The following MMP21 variants were observed in gnomAD, a reference collection of about 807,000 sequenced individuals.
The protein encoded by MMP21 is matrix metalloproteinase-21.
Under a neutral mutation model 47.8 loss-of-function variants are expected in MMP21, and 40 were observed. That is an observed-to-expected ratio of 0.84 (90% confidence interval 0.65 to 1.09). The LOEUF (loss-of-function observed/expected upper bound fraction) is 1.09. Among genes scored for constraint, MMP21 ranks in the 50% least tolerant of loss-of-function variants. MMP21 has a pLI of 0.00. For synonymous variants in MMP21, 341 were observed against 318.0 expected (o/e 1.07, Z -0.77); for missense variants, 747 against 775.3 (o/e 0.96, Z 0.43).
At position 125,772,709 on chromosome 10, in the gene MMP21, G is replaced by C. The variant is rs1387266225; in HGVS notation, c.739C>G (p.Gln247Glu). 2.5e-6 allele frequency: 4 copies of C among 1,614,152 alleles called. No individual in the cohort carries two copies. The highest frequency in any genetic ancestry group is 3.4e-6 in the Non-Finnish European group (4 of 1,180,020). Residue 247 changes from glutamine (Q) to glutamate (E), a missense_variant, in exon 3 of 7, where the codon CAG becomes GAG. Gln to Glu is a conservative substitution (Grantham distance 29). Transcript: ENST00000368808. The surrounding 1 kb of genome is among the most constrained non-coding windows in gnomAD (Gnocchi z 5.6). Reference sequence around the variant, plus strand: ...AGGCGCCAGGCGTGTGCAAACTCCTGCCCGCTCCCATCGAAGGCCCGCGGA... The same window carrying C: ...AGGCGCCAGGCGTGTGCAAACTCCTCCCCGCTCCCATCGAAGGCCCGCGGA... The part of the protein sequence containing the change: ...GCPRAFDGSG[Q>E]EFAHAWRLGD...
rs752135466 is a variant in MMP21, at chr10:125,773,785, C to A, written c.697+46G>T. The A allele has an allele frequency of 4.8e-6, 7 of 1,456,522 alleles. No homozygotes were observed. In the South Asian group the frequency reaches 8.5e-5, roughly 18 times the overall value. 90.2% of individuals were successfully genotyped at this position (1,456,522 alleles called of 1,614,324 possible). A position where few individuals can be genotyped will look rare whatever the true frequency, so the allele number is the denominator to read the frequency against. ...AGGTGGGGGTAGGTGCGCCGGGGTCCCCGAGGGGCTGGGTCGGGCAGGCAG... is the reference window on the plus strand; with the variant it reads ...AGGTGGGGGTAGGTGCGCCGGGGTCACCGAGGGGCTGGGTCGGGCAGGCAG... On this transcript the variant is annotated intron_variant, in intron 2 of 6. Coordinates refer to ENST00000368808, the MANE Select transcript of MMP21 (RefSeq NM_147191.1). The surrounding 1 kb of genome is among the most constrained non-coding windows in gnomAD (Gnocchi z 4.8).
chr10:125,769,854 A>T (rs541065442), intron 5 of MMP21, among the ~76,000 whole-genome samples: 1 of 152,306 alleles, frequency 6.6e-6, no homozygotes, highest in East Asian at 1.9e-4. Flanking sequence ...GTGCCGTCTT[A>T]AAAAGATCAG....
intron 6 of MMP21, 46 bp from the exon 7 acceptor site, chr10:125,767,007 AT>A: frequency 1.4e-6 from 2 of 1,466,406 alleles, no homozygotes; most frequent in Non-Finnish European, 1.8e-6. Context: ...AATTATTAAT[AT>A]TTTTTGGTTA....
chr10:125,774,039 G>T lies in MMP21; in HGVS notation c.489C>A (p.Pro163=). 1.3e-6 allele frequency: 2 copies of T among 1,486,652 alleles called. No individual in the cohort carries two copies. The highest frequency in any genetic ancestry group is 2.5e-5 in the South Asian group (2 of 79,190). The allele number at this position is 1,486,652 out of a possible 1,614,324, so 92.1% of individuals were successfully genotyped here. A position where few individuals can be genotyped will look rare whatever the true frequency, so the allele number is the denominator to read the frequency against. Residue 163 remains proline (P), a synonymous_variant, in exon 2 of 7, where the codon CCC becomes CCA. Coordinates refer to ENST00000368808, the MANE Select transcript of MMP21 (RefSeq NM_147191.1). ...AGAAGGCCTGGGCAGCTCCGCCGTC[G>T]GGGTAGCCCCGGGGCTGCCAACCCC... ...SRRGWQPRGY[P]DGGAAQAFSK...
At position 125,774,327 on chromosome 10, in the gene MMP21, C is replaced by A; in HGVS notation, c.201G>T (p.Ala67=). The stretch of plus-strand genomic sequence containing the variant: ...GCCCCTCGGGACTGGGCCCCCAGGC[C>A]GCCCACACCCCTGACCAGCCGTATC... ...LSRYGWSGVW[A]AWGPSPEGPP... Residue 67 remains alanine (A), a synonymous_variant, in exon 2 of 7, where the codon GCG becomes GCT. Transcript: ENST00000368808. The A allele has an allele frequency of 1.4e-6, 2 of 1,412,448 alleles. No homozygotes were observed. Among genetic ancestry groups the A allele is most frequent in the East Asian group, 3.0e-5 (1 of 33,376 alleles). The allele number at this position is 1,412,448 out of a possible 1,614,324, so 87.5% of individuals were successfully genotyped here.
chr10:125,774,661 G>C (rs1850495718), intron 1 of MMP21, among the ~76,000 whole-genome samples: 1 of 152,226 alleles, frequency 6.6e-6, no homozygotes, highest in African/African-American at 2.4e-5. Context: ...ACCAGGCTGA[G>C]TCAGAGGCGC....
chr10:125,768,291 A>G (rs890833866), intron 5 of MMP21, among the ~76,000 whole-genome samples: 2 of 152,220 alleles, frequency 1.3e-5, no homozygotes, highest in Non-Finnish European at 2.9e-5. Flanking sequence ...ACTGGTCCAC[A>G]TTCAGACAGC....
Position 125,771,069 on chromosome 10 carries a change from A to T in MMP21, c.980-478T>A, listed in dbSNP as rs552837555. On this transcript the variant is annotated intron_variant, in intron 4 of 6. Coordinates refer to ENST00000368808, the MANE Select transcript of MMP21 (RefSeq NM_147191.1). ...ACAGATTGAGGTGGTGCGCAGAGGG[A>T]GCTGGAGGTGCCAGGCTGCCTGCTA... Among the ~76,000 whole-genome samples the T allele has an allele frequency of 3.3e-5, 5 of 151,886 alleles. No homozygotes were observed. The East Asian group carries it at 7.8e-4, about 24-fold the overall frequency.
rs751578472 is a variant in MMP21, at chr10:125,770,606, CA to C, written c.980-16del. On this transcript the variant is annotated splice_polypyrimidine_tract_variant and intron_variant, in intron 4 of 6. Coordinates refer to ENST00000368808, the MANE Select transcript of MMP21 (RefSeq NM_147191.1). ...CTCACAGGAGCCTTAAAAAAACAAA[CA>C]AAAAACAGCCACTTGTCACATACAT... The C allele has an allele frequency of 6.2e-7, 1 of 1,609,204 alleles. No individual in the cohort carries two copies. The highest frequency in any genetic ancestry group is 8.5e-7 in the Non-Finnish European group (1 of 1,177,828).
chr10:125,769,545 C>G (rs1168903249), intron 5 of MMP21, among the ~76,000 whole-genome samples: 1 of 152,190 alleles, frequency 6.6e-6, no homozygotes, highest in Non-Finnish European at 1.5e-5. Flanking sequence ...CTGACCACTT[C>G]CATGCCCTCA....
chr10:125,772,687 C>T lies in MMP21; in HGVS notation c.761G>A (p.Arg254His), dbSNP rs754206831. ...GTCGTCAAAGTGAATGTCACCTAGG[C>T]GCCAGGCGTGTGCAAACTCCTGCCC... is the stretch of plus-strand genomic sequence containing the variant. ...GSGQEFAHAW[R>H]LGDIHFDDDE... Residue 254 changes from arginine (R) to histidine (H), a missense_variant, in exon 3 of 7, where the codon CGC (arginine) becomes CAC (histidine). Coordinates refer to ENST00000368808, the MANE Select transcript of MMP21 (RefSeq NM_147191.1). This position sits in a 1 kb window ranked among gnomAD's most constrained non-coding sequence, Gnocchi z 5.6. The T allele has an allele frequency of 5.7e-5, 92 of 1,614,216 alleles. No individual in the cohort carries two copies. The highest frequency in any genetic ancestry group is 2.9e-4 in the East Asian group (13 of 44,884).
In MMP21 at chr10:125,766,973, A is replaced by G. The variant is rs1589891072; in HGVS notation, c.1411-12T>C. 6.4e-7 allele frequency: 1 copy of G among 1,555,312 alleles called. No individual in the cohort carries two copies. Among genetic ancestry groups the G allele is most frequent in the Non-Finnish European group, 8.6e-7 (1 of 1,156,386 alleles). On this transcript the variant is annotated splice_polypyrimidine_tract_variant and intron_variant, in intron 6 of 6. Coordinates refer to ENST00000368808, the MANE Select transcript of MMP21 (RefSeq NM_147191.1). ...TCAAATGCAAATACCTGCAAAGCAAATAAGATAGACTGGCTCTTCTGAAAA... is the reference window on the plus strand; with the variant it reads ...TCAAATGCAAATACCTGCAAAGCAAGTAAGATAGACTGGCTCTTCTGAAAA...
In MMP21 at chr10:125,774,473, C is replaced by CAG. The variant is rs993635584; in HGVS notation, c.163-110_163-109dup. 4.3e-5 allele frequency: 27 copies of CAG among 628,658 alleles called. No homozygotes were observed. In the African/African-American group the frequency reaches 4.4e-4, roughly 10 times the overall value. The allele number at this position is 628,658 out of a possible 1,614,324, so 38.9% of individuals were successfully genotyped here. A position where few individuals can be genotyped will look rare whatever the true frequency, so the allele number is the denominator to read the frequency against. ...AGAGACATGGGGATAGAGACAGAGA[C>CAG]AGAGAGAAGCAGAGAGACAGACAGG... On this transcript the variant is annotated intron_variant, in intron 1 of 6. Coordinates refer to ENST00000368808, the MANE Select transcript of MMP21 (RefSeq NM_147191.1).
intron 1 of MMP21, among the ~76,000 whole-genome samples, chr10:125,774,852 G>A (rs1460318183): frequency 6.6e-6 from 1 of 152,212 alleles, no homozygotes; most frequent in African/African-American, 2.4e-5. Flanking sequence ...CGCAGAGAAA[G>A]CCATGGGAGG....
rs1472014626 is a variant in MMP21, at chr10:125,774,130, G to A, written c.398C>T (p.Pro133Leu). Residue 133 changes from proline to leucine, a missense_variant, in exon 2 of 7, where the codon CCC becomes CTC. Pro to Leu is a moderately conservative substitution (Grantham distance 98, BLOSUM62 -3). Transcript: ENST00000368808. The stretch of plus-strand genomic sequence containing the variant: ...GCGGGCTCTGGGGGGCGGGCCCGGG[G>A]GCGAAGGCGGGGCGGAGGGGGGCGG... ...RPPPPSAPPSPPGPPPRARSR... is the reference protein window; with the variant it reads ...RPPPPSAPPSLPGPPPRARSR... The A allele has an allele frequency of 2.3e-6, 3 of 1,296,520 alleles. No individual in the cohort carries two copies. Among genetic ancestry groups the A allele is most frequent in the Non-Finnish European group, 2.9e-6 (3 of 1,027,304 alleles). The allele number at this position is 1,296,520 out of a possible 1,614,324, so 80.3% of individuals were successfully genotyped here.
At chr10:125,775,543 C>T (rs1850506917) in intron 1 of MMP21, 117 bp downstream of exon 1, 2 of 1,342,346 alleles carry the variant, frequency 1.5e-6, no homozygotes, top group Admixed American at 2.8e-5. Context: ...GCCTGCCTGG[C>T]CCTTCTCTGC....
Position 125,772,225 on chromosome 10 carries a change from C to T in MMP21, c.972G>A (p.Lys324=), listed in dbSNP as rs1850454544. The T allele has an allele frequency of 1.2e-6, 2 of 1,614,072 alleles. No homozygotes were observed. Among genetic ancestry groups the T allele is most frequent in the African/African-American group, 2.7e-5 (2 of 74,934 alleles). ...LDWSDRKAIQ[K]LYGSCEGSFD... is the part of the protein sequence containing the mutation. ...CCTCCGCAGCAGTCTTACCATACAG[C>T]TTTTGAATTGCTTTCCTGTCTGACC... The change falls in exon 4 of 7, where the codon AAG becomes AAA. Residue 324 remains lysine (K), a synonymous_variant. Transcript: ENST00000368808. The surrounding 1 kb of genome is among the most constrained non-coding windows in gnomAD (Gnocchi z 5.6).
chr10:125,770,706 C>A, intron 4 of MMP21, 115 bp from the exon 5 acceptor site: 1 of 1,195,780 alleles, frequency 8.4e-7, no homozygotes, highest in Non-Finnish European at 1.2e-6. Context: ...ATAAAAACAC[C>A]TTAAAGCAAG....
rs894195138 is a variant in MMP21 at position 125,766,725 on chromosome 10, T to C, written c.1647A>G (p.Lys549=). The C allele has an allele frequency of 1.4e-5, 22 of 1,613,852 alleles. No homozygotes were observed. The highest frequency in any genetic ancestry group is 1.8e-5 in the Non-Finnish European group (21 of 1,179,956). ...CAAACCACTTCTCTGAAATAAACTT[T>C]TTTGGAAATAAGCCATTAGCAGGAA... ...SWLPANGLFP[K]KFISEKWFDV... Residue 549 remains lysine, a synonymous_variant, in exon 7 of 7, where the codon AAA becomes AAG. Transcript: ENST00000368808.
Sources: allele counts gnomAD v4.1 joint callset (sites outside exome capture counted in the v4.1 genomes callset), GRCh38; gene constraint gnomAD v4.1.1; non-coding constraint Gnocchi (gnomAD v3.1); transcripts MANE v1.5; gene names NCBI Gene and HGNC (gene_info 2026-07-23, HGNC 2026-07-21).